Variants in NUP93 observed in about 807,000 individuals in gnomAD.
The protein encoded by NUP93 is nuclear pore complex protein Nup93.
Under a neutral mutation model 107.8 loss-of-function variants are expected in NUP93, and 55 were observed. That is an observed-to-expected ratio of 0.51 (90% CI 0.41 to 0.64). NUP93 has a LOEUF of 0.64. Ranked by LOEUF, NUP93 falls within the 30% of genes least tolerant of loss-of-function variation. The pLI is 0.00. For missense variants in NUP93, 937 were observed against 1,044.7 expected, an observed-to-expected ratio of 0.90 and a Z score of 1.42; for synonymous variants, 390 against 397.5, an observed-to-expected ratio of 0.98 and a Z score of 0.22.
chr16:56,775,553 G>A (rs933534470), intron 3 of NUP93, among the ~76,000 whole-genome samples: 2 of 152,142 alleles, frequency 1.3e-5, no homozygotes, highest in East Asian at 3.8e-4. Context: ...AACTGGAAAC[G>A]TTTTGGTCTC....
Position 56,834,274 on chromosome 16 carries a change from A to ATTT in NUP93, c.1664+21_1664+23dup, listed in dbSNP as rs1425404819. 6.2e-7 allele frequency: 1 copy of ATTT among 1,613,554 alleles called. No homozygotes were observed. The highest frequency in any genetic ancestry group is 8.5e-7 in the Non-Finnish European group (1 of 1,179,486). On this transcript the variant is annotated intron_variant, in intron 14 of 21. Transcript: ENST00000308159. The stretch of plus-strand genomic sequence containing the variant: ...CCTCAGGTAACATTTGCTTTTGACC[A>ATTT]TTTACTTCAGCTAGTTTCAATTTCT...
chr16:56,811,714 G>C (rs1963319487), intron 5 of NUP93, among the ~76,000 whole-genome samples: 1 of 152,022 alleles, frequency 6.6e-6, no homozygotes, highest in African/African-American at 2.4e-5. Flanking sequence ...CAAGTGATCT[G>C]CCCTCCTCTG....
At chr16:56,810,330 C>T (rs1448604350) in intron 5 of NUP93, among the ~76,000 whole-genome samples, 3 of 152,136 alleles carry the variant, frequency 2.0e-5, no homozygotes, top group East Asian at 3.8e-4. Flanking sequence ...AGTGCACAGA[C>T]GTAAGTATGC....
intron 1 of NUP93, among the ~76,000 whole-genome samples, chr16:56,741,306 A>G (rs571862944): frequency 6.0e-4 from 92 of 152,366 alleles, no homozygotes; most frequent in Non-Finnish European, 1.2e-3. Flanking sequence ...GCATTTTACA[A>G]TGATATAAAT....
chr16:56,804,404 C>G (rs1475130782), intron 4 of NUP93, among the ~76,000 whole-genome samples: 1 of 152,164 alleles, frequency 6.6e-6, no homozygotes, highest in South Asian at 2.1e-4. Context: ...CTGACACTTG[C>G]TACAACTCTT....
At chr16:56,818,863 C>T in intron 6 of NUP93, 125 bp downstream of exon 6, 1 of 732,670 alleles carries the variant, frequency 1.4e-6, no homozygotes, top group South Asian at 1.8e-5. Flanking sequence ...ATTTAGAGAA[C>T]TAGTTAATAT....
intron 8 of NUP93, 146 bp downstream of exon 8, chr16:56,823,992 A>C: frequency 9.2e-7 from 1 of 1,082,398 alleles, no homozygotes. Flanking sequence ...CAGAGTTGTA[A>C]TCCTGTTTCA....
intron 3 of NUP93, among the ~76,000 whole-genome samples, chr16:56,764,435 A>C (rs1962182903): frequency 6.6e-6 from 1 of 152,218 alleles, no homozygotes; most frequent in Admixed American, 6.5e-5. Flanking sequence ...GGTTGTGGTG[A>C]GCTGAGATGG....
chr16:56,733,990 A>C (rs972896808), intron 1 of NUP93, among the ~76,000 whole-genome samples: 6 of 152,134 alleles, frequency 3.9e-5, no homozygotes, highest in Admixed American at 1.3e-4. Context: ...TCCTTCCTTC[A>C]TTCATTTAAC....
chr16:56,833,468 G>A, intron 13 of NUP93, 62 bp downstream of exon 13: 1 of 1,369,258 alleles, frequency 7.3e-7, no homozygotes, highest in Non-Finnish European at 9.6e-7. Context: ...TGGGGCGACG[G>A]TGGCCACAAA....
At chr16:56,730,459 G>A (rs1227813927) in intron 1 of NUP93, among the ~76,000 whole-genome samples, 1 of 152,064 alleles carries the variant, frequency 6.6e-6, no homozygotes, top group Non-Finnish European at 1.5e-5. Context: ...CAGAACCTAG[G>A]CCTCCCGACT....
Position 56,836,723 on chromosome 16 carries a change from G to C in NUP93, c.1899+6G>C, listed in dbSNP as rs1199620351. On this transcript the variant is annotated splice_donor_region_variant and intron_variant, in intron 17 of 21. Coordinates refer to ENST00000308159, the MANE Select transcript of NUP93 (RefSeq NM_014669.5). ...AGCTGTATGACCTTGCCAAGGTAAA[G>C]TGTGCCCACTTCCTTCTTTTGCACT... The C allele has an allele frequency of 6.3e-7, 1 of 1,578,546 alleles. No individual in the cohort carries two copies. The highest frequency in any genetic ancestry group is 8.7e-7 in the Non-Finnish European group (1 of 1,148,662).
chr16:56,747,009 T>G (rs1961830924), intron 1 of NUP93, among the ~76,000 whole-genome samples: 1 of 152,086 alleles, frequency 6.6e-6, no homozygotes, highest in Non-Finnish European at 1.5e-5. Flanking sequence ...TTTTTTTTTT[T>G]TTTTCCAAGA....
At chr16:56,811,517 G>GTTT (rs149356174) in intron 5 of NUP93, among the ~76,000 whole-genome samples, 4 of 146,386 alleles carry the variant, frequency 2.7e-5, no homozygotes, top group Non-Finnish European at 6.0e-5. Context: ...TTTTGTTTTT[G>GTTT]TTTTTTTTTT....
chr16:56,773,906 CA>C (rs372439423), intron 3 of NUP93, among the ~76,000 whole-genome samples: 2 of 152,236 alleles, frequency 1.3e-5, no homozygotes, highest in African/African-American at 4.8e-5. Context: ...AATTTATAAG[CA>C]CCTTTGTTTT....
intron 3 of NUP93, among the ~76,000 whole-genome samples, chr16:56,765,706 G>C (rs1567380418): frequency 1.3e-5 from 2 of 152,050 alleles, no homozygotes; most frequent in Non-Finnish European, 2.9e-5. Context: ...CATATTTGCT[G>C]TTCCTTGTCA....
At chr16:56,827,062 AAAAAAAAT>A (rs1326767260) in intron 8 of NUP93, among the ~76,000 whole-genome samples, 8 of 149,930 alleles carry the variant, frequency 5.3e-5, no homozygotes, top group African/African-American at 1.7e-4. Context: ...AAAAAAAAAA[AAAAAAAAT>A]TTTGTTGAGT....
intron 16 of NUP93, 90 bp downstream of exon 16, chr16:56,834,868 T>G: frequency 9.2e-7 from 1 of 1,081,942 alleles, no homozygotes; most frequent in Non-Finnish European, 1.4e-6. Flanking sequence ...AGATTCAAGG[T>G]ACTAAAGATG....
chr16:56,738,672 T>G (rs190169994), intron 1 of NUP93, among the ~76,000 whole-genome samples: 331 of 152,302 alleles, frequency 2.2e-3, no homozygotes, highest in African/African-American at 6.4e-3. Flanking sequence ...TTAATTTTTT[T>G]GGGGTTGTTG....
Sources: gnomAD v4.1 joint callset for allele counts (sites outside exome capture counted in the v4.1 genomes callset) on GRCh38, gnomAD v4.1.1 for gene constraint, MANE v1.5 for transcripts, NCBI Gene and HGNC (gene_info 2026-07-23, HGNC 2026-07-21) for gene names.